The following SPATA6 variants were observed in gnomAD, a reference collection of about 807,000 sequenced individuals.
SPATA6 encodes the protein spermatogenesis-associated protein 6.
In SPATA6, 56 loss-of-function variants were observed where a neutral mutation model predicts 65.3. The ratio of observed to expected loss-of-function variants is 0.86; its 90% CI spans 0.69 to 1.07. SPATA6 has a LOEUF of 1.07. Among genes scored for constraint, SPATA6 ranks in the 50% least tolerant of loss-of-function variants. The probability of loss-of-function intolerance (pLI) is 0.00; values close to 1 mark genes in which losing one functional copy is unlikely to be tolerated. For missense variants in SPATA6, 590 were observed against 594.8 expected, an observed-to-expected ratio of 0.99 and a Z score of 0.08; for synonymous variants, 199 against 213.2, an observed-to-expected ratio of 0.93 and a Z score of 0.58.
chr1:48,340,895 A>G (rs1264884903), intron 11 of SPATA6, among the ~76,000 whole-genome samples: 2 of 152,186 alleles, frequency 1.3e-5, no homozygotes, highest in Admixed American at 1.3e-4. Flanking sequence ...ATTTGCAGAC[A>G]AGAAGCTTTC....
At chr1:48,459,726 T>C (rs1479369157) in intron 1 of SPATA6, among the ~76,000 whole-genome samples, 1 of 152,050 alleles carries the variant, frequency 6.6e-6, no homozygotes, top group African/African-American at 2.4e-5. Flanking sequence ...CAAGTCTCAA[T>C]CAACATAAAA....
At chr1:48,437,292 T>G (rs1655025731) in intron 3 of SPATA6, 15 of 1,522,140 alleles carry the variant, frequency 9.9e-6, no homozygotes, top group Non-Finnish European at 1.2e-5. Context: ...TCTGTATTTC[T>G]AGGTACAAAT....
intron 6 of SPATA6, 45 bp from the exon 7 acceptor site, chr1:48,399,689 A>T (rs758326014): frequency 4.0e-6 from 6 of 1,498,900 alleles, no homozygotes; most frequent in Admixed American, 4.6e-5. Context: ...GGGGATTTTT[A>T]AAATTCCTGT....
chr1:48,293,088 T>C (rs1644778995), downstream of SPATA6, among the ~76,000 whole-genome samples: 1 of 152,220 alleles, frequency 6.6e-6, no homozygotes, highest in Non-Finnish European at 1.5e-5. Context: ...TGGTATCCCC[T>C]GCCACGTGGC....
intron 3 of SPATA6, among the ~76,000 whole-genome samples, chr1:48,418,860 G>A (rs893116921): frequency 1.4e-5 from 2 of 145,760 alleles, no homozygotes; most frequent in Admixed American, 1.4e-4. Flanking sequence ...AGAGGGGAGG[G>A]GAAGGAGAGG....
chr1:48,350,542 T>C (rs546200450), intron 11 of SPATA6, among the ~76,000 whole-genome samples: 19 of 152,022 alleles, frequency 1.2e-4, no homozygotes, highest in Admixed American at 9.9e-4. Flanking sequence ...AGTTTTACAG[T>C]TTTACATTGA....
intron 11 of SPATA6, among the ~76,000 whole-genome samples, chr1:48,309,662 C>T (rs1011454996): frequency 6.6e-6 from 1 of 152,080 alleles, no homozygotes; most frequent in African/African-American, 2.4e-5. Flanking sequence ...AGTTCCTATT[C>T]ATTGTTTTCT....
At chr1:48,447,356 T>C (rs1018167279) in intron 3 of SPATA6, among the ~76,000 whole-genome samples, 1 of 152,002 alleles carries the variant, frequency 6.6e-6, no homozygotes, top group African/African-American at 2.4e-5. Flanking sequence ...CCATGTCTAC[T>C]AAAAATACAA....
chr1:48,442,825 A>G (rs1156505408), intron 3 of SPATA6, among the ~76,000 whole-genome samples: 1 of 151,954 alleles, frequency 6.6e-6, no homozygotes, highest in African/African-American at 2.4e-5. Context: ...GCAACCCTGT[A>G]ACACTCCAAT....
At chr1:48,262,341 T>G in the SPATA6 span, 1 of 152,094 alleles carries the variant, frequency 6.6e-6, no homozygotes, top group African/African-American at 2.4e-5. Context: ...AAATAAAGCT[T>G]CTGAAAATGG....
chr1:48,386,372 C>T (rs1436044399), intron 8 of SPATA6, among the ~76,000 whole-genome samples: 1 of 152,174 alleles, frequency 6.6e-6, no homozygotes, highest in Non-Finnish European at 1.5e-5. Flanking sequence ...ATCTGTTACA[C>T]TGACAGAAAA....
At chr1:48,421,491 C>A (rs1413981872) in intron 3 of SPATA6, among the ~76,000 whole-genome samples, 3 of 152,038 alleles carry the variant, frequency 2.0e-5, no homozygotes, top group Non-Finnish European at 4.4e-5. Context: ...TTATAAGCCA[C>A]ATCTTATGGT....
At chr1:48,415,169 A>C (rs1652638865) in intron 3 of SPATA6, among the ~76,000 whole-genome samples, 1 of 152,214 alleles carries the variant, frequency 6.6e-6, no homozygotes, top group East Asian at 1.9e-4. Context: ...GAGGAAAATT[A>C]CATAATTGTT....
chr1:48,434,134 A>C (rs2148069373), intron 3 of SPATA6, among the ~76,000 whole-genome samples: 1 of 152,276 alleles, frequency 6.6e-6, no homozygotes, highest in Non-Finnish European at 1.5e-5. Flanking sequence ...GGACAGTTCC[A>C]ACAGTCATAA....
In SPATA6 at chr1:48,382,932, T is replaced by G. The variant is rs1371999282; in HGVS notation, c.909+2377A>C. On this transcript the variant is annotated intron_variant, in intron 9 of 12. Transcript: ENST00000371847. Reference sequence around the variant, plus strand: ...CTGACCCCCCCACCTCCCTCCCGGATGGGGCGGCTGGCCAGGTGGGGGGAT... The same window carrying G: ...CTGACCCCCCCACCTCCCTCCCGGAGGGGGCGGCTGGCCAGGTGGGGGGAT... 7.9e-5 allele frequency among the ~76,000 whole-genome samples: 10 copies of G among 127,200 alleles called. No homozygotes were observed. In the East Asian group the frequency reaches 8.8e-4, roughly 11 times the overall value. The allele number at this position is 127,200 out of a possible 152,430, so 83.4% of individuals were successfully genotyped here.
rs1166027044 is a variant in SPATA6 at position 48,418,840 on chromosome 1, A to G, written c.239-5689T>C. ...AGGAGGGAGGGAGGGAAAGAGAGAG[A>G]GAGGAGAGGAGAGGGGAGGGGAAGG... On this transcript the variant is annotated intron_variant, in intron 3 of 12. Transcript: ENST00000371847. 9.0e-5 allele frequency among the ~76,000 whole-genome samples: 12 copies of G among 132,878 alleles called. No homozygotes were observed. The South Asian group carries it at 2.9e-3, about 32-fold the overall frequency. 87.2% of individuals were successfully genotyped at this position (132,878 alleles called of 152,430 possible). A position where few individuals can be genotyped will look rare whatever the true frequency, so the allele number is the denominator to read the frequency against.
the SPATA6 span, among the ~76,000 whole-genome samples, chr1:48,290,134 G>A: frequency 5.3e-5 from 8 of 152,328 alleles, no homozygotes; most frequent in South Asian, 8.3e-4. Context: ...AAGCCCATCA[G>A]ACTAACAGCT....
chr1:48,387,694 G>A (rs1232419172), intron 8 of SPATA6, among the ~76,000 whole-genome samples: 1 of 152,148 alleles, frequency 6.6e-6, no homozygotes, highest in African/African-American at 2.4e-5. Flanking sequence ...CATATAGTTT[G>A]AGGGCCAGAA....
chr1:48,407,735 T>C (rs1045173608), intron 5 of SPATA6, among the ~76,000 whole-genome samples: 1 of 152,224 alleles, frequency 6.6e-6, no homozygotes, highest in Non-Finnish European at 1.5e-5. Flanking sequence ...AAATTTTGTC[T>C]AGTTTTATAA....
Sources: allele counts gnomAD v4.1 joint callset (sites outside exome capture counted in the v4.1 genomes callset), GRCh38; gene constraint gnomAD v4.1.1; transcripts MANE v1.5; gene names NCBI Gene and HGNC (gene_info 2026-07-23, HGNC 2026-07-21).